FBXO15: variants seen among roughly 807,000 people sequenced by gnomAD.
The protein encoded by FBXO15 is F-box only protein 15.
A neutral mutation model predicts 49.5 loss-of-function variants in FBXO15; 30 were observed. The ratio of observed to expected loss-of-function variants is 0.61; its 90% CI spans 0.45 to 0.82. The LOEUF is 0.82. FBXO15 is among the 40% of genes least tolerant of loss of function. The probability of loss-of-function intolerance (pLI) is 0.00; values close to 1 mark genes in which losing one functional copy is unlikely to be tolerated. For missense variants in FBXO15, 591 were observed against 631.5 expected, an observed-to-expected ratio of 0.94 and a Z score of 0.69; for synonymous variants, 250 against 232.7, an observed-to-expected ratio of 1.07 and a Z score of -0.68.
intron 1 of FBXO15, among the ~76,000 whole-genome samples, chr18:74,146,752 A>G (rs1428012514): frequency 6.6e-6 from 1 of 152,188 alleles, no homozygotes; most frequent in Non-Finnish European, 1.5e-5. Flanking sequence ...CCTAGAGAGG[A>G]CACAGGACAT....
chr18:74,128,748 T>C (rs1372427220), intron 5 of FBXO15, among the ~76,000 whole-genome samples: 3 of 152,322 alleles, frequency 2.0e-5, no homozygotes, highest in East Asian at 3.9e-4. Flanking sequence ...GCCAGCCTCA[T>C]AGTGAGTATG....
At chr18:74,109,282 C>T in intron 8 of FBXO15, among the ~76,000 whole-genome samples, 1 of 152,166 alleles carries the variant, frequency 6.6e-6, no homozygotes, top group East Asian at 1.9e-4. Context: ...TAATAAGACA[C>T]CATCTCACGC....
rs972897431 is a variant in FBXO15, at chr18:74,130,411, C to T, written c.575+5G>A. ...CATCATTCTCTTTTGGAACACACTG[C>T]GTACCTGAGGGCCTCTTTGGTCTTA... On this transcript the variant is annotated splice_donor_5th_base_variant and intron_variant, in intron 4 of 9. Coordinates refer to ENST00000419743, the MANE Select transcript of FBXO15 (RefSeq NM_001142958.2). 5.0e-6 allele frequency: 8 copies of T among 1,613,792 alleles called. No homozygotes were observed. Among genetic ancestry groups the T allele is most frequent in the African/African-American group, 4.0e-5 (3 of 74,876 alleles).
At position 74,126,083 on chromosome 18, in the gene FBXO15, TAAA is replaced by T. The variant is rs777343938; in HGVS notation, c.801_803del (p.Leu268del). Reference sequence around the variant, plus strand: ...AATGACTCAGATTGTACTTTGCAATTAAAGAATGCCATCGGAGTCTTTGAACGT... The same window carrying T: ...AATGACTCAGATTGTACTTTGCAATTGAATGCCATCGGAGTCTTTGAACGT... On this transcript the variant is annotated inframe_deletion, in exon 6 of 10. Coordinates refer to ENST00000419743, the MANE Select transcript of FBXO15 (RefSeq NM_001142958.2). The T allele has an allele frequency of 6.2e-6, 10 of 1,613,816 alleles. No individual in the cohort carries two copies. The highest frequency in any genetic ancestry group is 6.8e-6 in the Non-Finnish European group (8 of 1,179,838).
intron 2 of FBXO15, among the ~76,000 whole-genome samples, chr18:74,136,780 C>T (rs955038633): frequency 1.1e-4 from 16 of 152,174 alleles, no homozygotes; most frequent in Non-Finnish European, 1.8e-4. Context: ...GTCAGGAGTG[C>T]GCCTCTGTGA....
chr18:74,110,772 C>T (rs1312176225), intron 8 of FBXO15, among the ~76,000 whole-genome samples: 1 of 152,114 alleles, frequency 6.6e-6, no homozygotes, highest in Non-Finnish European at 1.5e-5. Flanking sequence ...ATCTGTCAGA[C>T]AGAGCATACT....
At chr18:74,126,155 A>G (rs1914702742) in intron 5 of FBXO15, 54 bp from the exon 6 acceptor site, 1 of 1,602,818 alleles carries the variant, frequency 6.2e-7, no homozygotes, top group African/African-American at 1.3e-5. Flanking sequence ...TCCTGTCCAT[A>G]GTGTTGTCAA....
At chr18:74,087,990 G>T (rs1912823823) in intron 8 of FBXO15, among the ~76,000 whole-genome samples, 1 of 152,140 alleles carries the variant, frequency 6.6e-6, no homozygotes, top group South Asian at 2.1e-4. Flanking sequence ...TTTATCATAT[G>T]CTTGTTGGCA....
chr18:74,110,653 A>G (rs1298646648), intron 8 of FBXO15, among the ~76,000 whole-genome samples: 1 of 152,066 alleles, frequency 6.6e-6, no homozygotes, highest in Non-Finnish European at 1.5e-5. Context: ...AGACCTAACT[A>G]TATATTGCCT....
chr18:74,083,809 A>G (rs536412048), intron 8 of FBXO15, among the ~76,000 whole-genome samples: 3 of 152,378 alleles, frequency 2.0e-5, no homozygotes, highest in African/African-American at 7.2e-5. Flanking sequence ...AACAGTCTGC[A>G]CATGGAACAG....
chr18:74,119,838 C>A (rs1943934), intron 8 of FBXO15, among the ~76,000 whole-genome samples: 4 of 151,940 alleles, frequency 2.6e-5, no homozygotes, highest in African/African-American at 9.7e-5. Flanking sequence ...GGCTCTGTAA[C>A]GGTTCACAAG....
intron 8 of FBXO15, among the ~76,000 whole-genome samples, chr18:74,117,798 T>C (rs1342729474): frequency 2.6e-5 from 4 of 152,182 alleles, no homozygotes; most frequent in Non-Finnish European, 4.4e-5. Context: ...TAAGGGCATA[T>C]TTTAAGTATG....
chr18:74,084,134 T>A (rs2082170577), intron 8 of FBXO15, among the ~76,000 whole-genome samples: 1 of 152,244 alleles, frequency 6.6e-6, no homozygotes, highest in Non-Finnish European at 1.5e-5. Flanking sequence ...CAATAATTTA[T>A]AATGCAGATT....
intron 1 of FBXO15, among the ~76,000 whole-genome samples, chr18:74,147,369 T>C (rs1979497701): frequency 6.6e-6 from 1 of 152,058 alleles, no homozygotes; most frequent in Admixed American, 6.5e-5. Flanking sequence ...AGGGCACGCA[T>C]CCCGGAGAAA....
chr18:74,103,991 G>A (rs898528855), intron 8 of FBXO15, among the ~76,000 whole-genome samples: 2 of 152,160 alleles, frequency 1.3e-5, no homozygotes, highest in African/African-American at 2.4e-5. Context: ...CACTGTAACT[G>A]TGGTGTGCAA....
At chr18:74,103,036 T>C (rs1943928) in intron 8 of FBXO15, among the ~76,000 whole-genome samples, 5,973 of 151,986 alleles carry the variant, frequency 0.039, 387 homozygotes, top group African/African-American at 0.13. Context: ...CACCAAAATT[T>C]CACAAATCAC....
intron 8 of FBXO15, among the ~76,000 whole-genome samples, chr18:74,117,735 A>G (rs569036790): frequency 2.6e-5 from 4 of 152,256 alleles, no homozygotes; most frequent in African/African-American, 7.2e-5. Context: ...TTTAGCAGAA[A>G]CCTATAATGA....
chr18:74,126,021 A>T lies in FBXO15; in HGVS notation c.866T>A (p.Ile289Asn). 6.2e-7 allele frequency: 1 copy of T among 1,614,114 alleles called. No homozygotes were observed. The highest frequency in any genetic ancestry group is 8.5e-7 in the Non-Finnish European group (1 of 1,179,974). ...GCCAGGGTGCAGGCAGAAGATCCGA[A>T]TGAGTCTGTCACAGCCAATCATGGT... ...ISTMIGCDRL[I>N]RIFCLHPGLL... is the part of the protein sequence containing the mutation. The change falls in exon 6 of 10, where the codon ATT becomes AAT. Residue 289 changes from isoleucine (I) to asparagine (N), a missense_variant. By Grantham distance (149) the Ile-to-Asn change is moderately radical. Coordinates refer to ENST00000419743, the MANE Select transcript of FBXO15 (RefSeq NM_001142958.2).
At chr18:74,096,034 C>T (rs1361561761) in intron 8 of FBXO15, among the ~76,000 whole-genome samples, 4 of 152,218 alleles carry the variant, frequency 2.6e-5, no homozygotes, top group Non-Finnish European at 4.4e-5. Flanking sequence ...TAACCAAGGG[C>T]GTCGAAAATT....
Sources: gnomAD v4.1 joint callset for allele counts (sites outside exome capture counted in the v4.1 genomes callset) on GRCh38, gnomAD v4.1.1 for gene constraint, MANE v1.5 for transcripts, NCBI Gene and HGNC (gene_info 2026-07-23, HGNC 2026-07-21) for gene names.